Variants in BACE2 observed in about 807,000 individuals in gnomAD.
The protein encoded by BACE2 is beta-secretase 2.
In BACE2, 17 loss-of-function variants were observed where a neutral mutation model predicts 46.2. That is an observed-to-expected ratio of 0.37 (90% confidence interval 0.25 to 0.55). The LOEUF (loss-of-function observed/expected upper bound fraction) is 0.55, where lower values mean the gene tolerates loss of function less well. BACE2 is among the 20% of genes least tolerant of loss of function. The pLI is 0.82. For synonymous variants in BACE2, 277 were observed against 295.9 expected (o/e 0.94, Z 0.66); for missense variants, 595 against 698.1 (o/e 0.85, Z 1.66).
intron 1 of BACE2, among the ~76,000 whole-genome samples, chr21:41,174,139 CTTTTTTTTTT>C (rs1328562900): frequency 2.1e-5 from 1 of 48,496 alleles, no homozygotes; most frequent in African/African-American, 1.6e-4. Context: ...GATCAGTGGC[CTTTTTTTTTT>C]TTTTTTTTTT....
At chr21:41,217,707 G>T (rs1986515728) in intron 1 of BACE2, among the ~76,000 whole-genome samples, 1 of 152,240 alleles carries the variant, frequency 6.6e-6, no homozygotes, top group Non-Finnish European at 1.5e-5. Flanking sequence ...CATAGAAGTG[G>T]CTTTTGCTCT....
intron 8 of BACE2, among the ~76,000 whole-genome samples, chr21:41,258,678 G>T (rs1202431186): frequency 7.8e-5 from 2 of 25,536 alleles, no homozygotes; most frequent in African/African-American, 2.2e-4. Context: ...AAAGATTGCA[G>T]TGGACTATTA....
intron 8 of BACE2, among the ~76,000 whole-genome samples, chr21:41,262,092 TG>T (rs1987952710): frequency 6.6e-6 from 1 of 152,214 alleles, no homozygotes; most frequent in Non-Finnish European, 1.5e-5. Flanking sequence ...ATCATGACTA[TG>T]TAGACCACAT....
chr21:41,232,811 A>G (rs1329430238), intron 2 of BACE2, among the ~76,000 whole-genome samples: 1 of 152,194 alleles, frequency 6.6e-6, no homozygotes, highest in East Asian at 1.9e-4. Flanking sequence ...TTCCTTATGA[A>G]TTATTCACCC....
intron 1 of BACE2, among the ~76,000 whole-genome samples, chr21:41,218,147 A>G (rs1237533624): frequency 6.6e-6 from 1 of 152,252 alleles, no homozygotes; most frequent in Non-Finnish European, 1.5e-5. Flanking sequence ...CAGTAAAACT[A>G]CAGAACGATG....
chr21:41,200,732 C>T (rs758432342), intron 1 of BACE2, among the ~76,000 whole-genome samples: 19 of 152,268 alleles, frequency 1.2e-4, no homozygotes, highest in Non-Finnish European at 1.9e-4. Flanking sequence ...TGCAGAGAGA[C>T]ACCAGGGATG....
At chr21:41,188,772 G>A (rs1601251049) in intron 1 of BACE2, among the ~76,000 whole-genome samples, 1 of 152,214 alleles carries the variant, frequency 6.6e-6, no homozygotes, top group African/African-American at 2.4e-5. Flanking sequence ...TCAACATGGT[G>A]GTGGGAATCC....
At chr21:41,253,441 C>CA (rs58206534) in intron 7 of BACE2, among the ~76,000 whole-genome samples, 35,704 of 112,920 alleles carry the variant, frequency 0.32, 5,550 homozygotes, top group East Asian at 0.68. Context: ...GACTCCATCT[C>CA]AAAAAAAAAA....
chr21:41,192,506 C>G (rs1252876765), intron 1 of BACE2, among the ~76,000 whole-genome samples: 1 of 152,168 alleles, frequency 6.6e-6, no homozygotes, highest in Non-Finnish European at 1.5e-5. Context: ...CAGTTTCCAC[C>G]AAAGCCCAGT....
In BACE2 at chr21:41,205,895, A is replaced by C. The variant is rs1986108333; in HGVS notation, c.313-20371A>C. On this transcript the variant is annotated intron_variant, in intron 1 of 8. Transcript: ENST00000330333. ...CAGGCACATAGTAGCTGCTCACTTA[A>C]TATTTATTAGAAATAAATATTTACT... Among the ~76,000 whole-genome samples, 3 of 152,294 alleles carry C rather than the reference A, an allele frequency of 2.0e-5. No homozygotes were observed. The East Asian group carries it at 5.8e-4, about 29-fold the overall frequency.
chr21:41,200,112 C>G (rs563732904), intron 1 of BACE2, among the ~76,000 whole-genome samples: 27 of 151,128 alleles, frequency 1.8e-4, no homozygotes, highest in Non-Finnish European at 3.5e-4. Context: ...ATGGGTGCAG[C>G]ACACCAACAT....
intron 8 of BACE2, among the ~76,000 whole-genome samples, chr21:41,261,861 C>T (rs1197346179): frequency 1.3e-5 from 2 of 152,076 alleles, no homozygotes; most frequent in African/African-American, 2.4e-5. Flanking sequence ...TGCTGTTCTG[C>T]ATGTCAACCA....
intron 1 of BACE2, among the ~76,000 whole-genome samples, chr21:41,173,516 C>T (rs1040461351): frequency 8.5e-5 from 13 of 152,064 alleles, no homozygotes; most frequent in Non-Finnish European, 1.3e-4. Context: ...CTGAGGCGGG[C>T]GGGTCACCTG....
chr21:41,185,250 C>G (rs1704121221), intron 1 of BACE2: 1 of 156,452 alleles, frequency 6.4e-6, no homozygotes. Context: ...AATGGGCAGT[C>G]GAATGTGGAG....
intron 1 of BACE2, among the ~76,000 whole-genome samples, chr21:41,186,978 T>C (rs985026253): frequency 6.6e-5 from 10 of 152,170 alleles, no homozygotes; most frequent in Non-Finnish European, 1.3e-4. Context: ...TGCTGGTGGG[T>C]GTGTCCTATG....
chr21:41,277,594 T>G lies in BACE2; in HGVS notation c.*1970T>G, dbSNP rs1319896153. 6.6e-6 allele frequency: 1 copy of G among 152,224 alleles called. No homozygotes were observed. The highest frequency in any genetic ancestry group is 1.5e-5 in the Non-Finnish European group (1 of 68,034). The allele number at this position is 152,224 out of a possible 1,614,324, so 9.4% of individuals were successfully genotyped here. Reference sequence around the variant, plus strand: ...CCCTAGATTGTGCCTTCACCCTTGCTGTGAAAAATTCAAAGCCCTGAAATA... The same window carrying G: ...CCCTAGATTGTGCCTTCACCCTTGCGGTGAAAAATTCAAAGCCCTGAAATA... On this transcript the variant is annotated 3_prime_UTR_variant, in exon 9 of 9. Coordinates refer to ENST00000330333, the MANE Select transcript of BACE2 (RefSeq NM_012105.5).
intron 1 of BACE2, among the ~76,000 whole-genome samples, chr21:41,192,695 T>C (rs1985615209): frequency 6.6e-6 from 1 of 152,252 alleles, no homozygotes; most frequent in African/African-American, 2.4e-5. Flanking sequence ...CTGGGTCGTA[T>C]GGCCCAAGTG....
At chr21:41,227,476 C>T (rs1358246439) in intron 2 of BACE2, among the ~76,000 whole-genome samples, 5 of 152,162 alleles carry the variant, frequency 3.3e-5, no homozygotes, top group Admixed American at 3.3e-4. Context: ...TTAATAAAGC[C>T]AGATGATTTG....
At chr21:41,232,307 T>G (rs1986988015) in intron 2 of BACE2, among the ~76,000 whole-genome samples, 1 of 152,196 alleles carries the variant, frequency 6.6e-6, no homozygotes, top group Non-Finnish European at 1.5e-5. Flanking sequence ...CACCTCGCCT[T>G]GACCTCCTTA....
Sources: allele counts gnomAD v4.1 joint callset (sites outside exome capture counted in the v4.1 genomes callset), GRCh38; gene constraint gnomAD v4.1.1; transcripts MANE v1.5; gene names NCBI Gene and HGNC (gene_info 2026-07-23, HGNC 2026-07-21).